BEST4: variants seen among roughly 807,000 people sequenced by gnomAD.
The protein encoded by BEST4 is bestrophin-4.
BEST4 carries 36 observed loss-of-function variants against 47.1 expected under a neutral mutation model. That is an observed-to-expected ratio of 0.76 (90% CI 0.59 to 1.01). The LOEUF is 1.01. Ranked by LOEUF, BEST4 falls within the 50% of genes least tolerant of loss-of-function variation. BEST4 has a pLI of 0.00. For missense variants in BEST4, 550 were observed against 648.6 expected (o/e 0.85, Z 1.65); for synonymous variants, 250 against 277.8 (o/e 0.90, Z 1.00).
chr1:44,782,233 C>T (rs1282264335), downstream of BEST4, among the ~76,000 whole-genome samples: 1 of 122,370 alleles, frequency 8.2e-6, no homozygotes, highest in African/African-American at 3.6e-5. Context: ...GTAAAAGCTG[C>T]AGAAAAAAAA....
Position 44,784,861 on chromosome 1 carries a change from G to C in BEST4, c.993+44C>G. 1 of 1,612,158 alleles carries C rather than the reference G, an allele frequency of 6.2e-7. No individual in the cohort carries two copies. Among genetic ancestry groups the C allele is most frequent in the Non-Finnish European group, 8.5e-7 (1 of 1,178,766 alleles). ...GGGCTGAGAGCTGACCGGGAGAGGG[G>C]GCCCAGGAGCTGCCCTGGACTCCTG... On this transcript the variant is annotated intron_variant, in intron 7 of 8. Transcript: ENST00000372207. This position sits in a 1 kb window ranked among gnomAD's most constrained non-coding sequence, Gnocchi z 6.2.
chr1:44,787,659 C>T lies in BEST4; in HGVS notation c.47G>A (p.Gly16Asp). The change falls in exon 1 of 9, where the codon GGT becomes GAT. Residue 16 changes from glycine to aspartate, a missense_variant. Gly to Asp is a moderately conservative substitution (Grantham distance 94, BLOSUM62 -1). Transcript: ENST00000372207. ...TLKVAEARFG[G>D]FSGLLLRWRG... is the part of the protein sequence containing the mutation. ...CCAGCGGAGAAGCAGGCCAGAGAAACCTCCGAAGCGGGCCTCCGCCACTTT... is the reference window on the plus strand; with the variant it reads ...CCAGCGGAGAAGCAGGCCAGAGAAATCTCCGAAGCGGGCCTCCGCCACTTT... 2.5e-6 allele frequency: 4 copies of T among 1,614,210 alleles called. No individual in the cohort carries two copies. Among genetic ancestry groups the T allele is most frequent in the Non-Finnish European group, 2.5e-6 (3 of 1,180,026 alleles).
chr1:44,790,457 G>A (rs1245225733), upstream of BEST4, among the ~76,000 whole-genome samples: 1 of 152,074 alleles, frequency 6.6e-6, no homozygotes, highest in Non-Finnish European at 1.5e-5. Context: ...GTGGCTCAGA[G>A]CACCCTCTAG....
downstream of BEST4, among the ~76,000 whole-genome samples, chr1:44,783,346 T>A (rs1347092354): frequency 6.6e-6 from 1 of 151,052 alleles, no homozygotes; most frequent in African/African-American, 2.5e-5. Context: ...TAAACTGTAC[T>A]TTTTCCCCCT....
At position 44,784,341 on chromosome 1, in the gene BEST4, C is replaced by T. The variant is rs753296919; in HGVS notation, c.1291G>A (p.Gly431Ser). 8 of 1,391,876 alleles carry T rather than the reference C, an allele frequency of 5.7e-6. No individual in the cohort carries two copies. In the African/African-American group the frequency reaches 1.1e-4, roughly 19 times the overall value. The allele number at this position is 1,391,876 out of a possible 1,614,324, so 86.2% of individuals were successfully genotyped here. ...GGGCGGGGGGTGCCTCGCACGCGGC[C>T]GAAGTTCCGGAGGCTGATGGCCGGG... ...PSPAISLRNF[G>S]RVRGTPRPPH... is the part of the protein sequence containing the mutation. The change falls in exon 9 of 9, where the codon GGC becomes AGC. Residue 431 changes from glycine to serine, a missense_variant. Physicochemically the swap from Gly to Ser is moderately conservative, Grantham distance 56 (BLOSUM62 0). Coordinates refer to ENST00000372207, the MANE Select transcript of BEST4 (RefSeq NM_153274.3). This position sits in a 1 kb window ranked among gnomAD's most constrained non-coding sequence, Gnocchi z 6.2.
rs1000240950 is a variant in BEST4 at position 44,783,661 on chromosome 1, C to G, written c.*549G>C. On this transcript the variant is annotated 3_prime_UTR_variant, in exon 9 of 9. Coordinates refer to ENST00000372207, the MANE Select transcript of BEST4 (RefSeq NM_153274.3). ...CAAACAAGGCAAAAGTCCCCCAGCACACACTGACCCTTCTTTTGAGTAAGG... is the reference window on the plus strand; with the variant it reads ...CAAACAAGGCAAAAGTCCCCCAGCAGACACTGACCCTTCTTTTGAGTAAGG... 1 of 152,518 alleles carries G rather than the reference C, an allele frequency of 6.6e-6. No individual in the cohort carries two copies. The highest frequency in any genetic ancestry group is 2.4e-5 in the African/African-American group (1 of 41,454). 9.4% of individuals were successfully genotyped at this position (152,518 alleles called of 1,614,324 possible). A position where few individuals can be genotyped will look rare whatever the true frequency, so the allele number is the denominator to read the frequency against.
rs369088764 is a variant in BEST4, at chr1:44,784,944, G to A, written c.954C>T (p.Asp318=). The change falls in exon 7 of 9, where the codon GAC becomes GAT. Residue 318 remains aspartate, a synonymous_variant. Transcript: ENST00000372207. The surrounding 1 kb of genome is among the most constrained non-coding windows in gnomAD (Gnocchi z 6.2). ...CTATGAGCTGATTTGTCTCAAAGTC[G>A]TCATCATCCTCACCAAATGGGTTGA... ...QIINPFGEDD[D]DFETNQLIDR... 1.9e-6 allele frequency: 3 copies of A among 1,613,988 alleles called. No homozygotes were observed. Among genetic ancestry groups the A allele is most frequent in the Non-Finnish European group, 2.5e-6 (3 of 1,180,036 alleles).
At position 44,784,473 on chromosome 1, in the gene BEST4, C is replaced by T. The variant is rs868510488; in HGVS notation, c.1159G>A (p.Asp387Asn). Residue 387 changes from aspartate to asparagine, a missense_variant, in exon 9 of 9, where the codon GAC becomes AAC. Transcript: ENST00000372207. This position sits in a 1 kb window ranked among gnomAD's most constrained non-coding sequence, Gnocchi z 6.2. ...GSTFNLRMSDDPEQSLQVEAS... is the reference protein window; with the variant it reads ...GSTFNLRMSDNPEQSLQVEAS... Reference sequence around the variant, plus strand: ...TCCACCTGCAGGCTCTGCTCAGGGTCGTCGCTCATGCTGCGGGCGGGAGGG... The same window carrying T: ...TCCACCTGCAGGCTCTGCTCAGGGTTGTCGCTCATGCTGCGGGCGGGAGGG... 1.5e-5 allele frequency: 15 copies of T among 981,456 alleles called. No homozygotes were observed. In the African/African-American group the frequency reaches 1.6e-4, roughly 10 times the overall value. 60.8% of individuals were successfully genotyped at this position (981,456 alleles called of 1,614,324 possible).
intron 6 of BEST4, 52 bp downstream of exon 6, chr1:44,785,056 C>T: frequency 6.2e-7 from 1 of 1,610,450 alleles, no homozygotes; most frequent in Non-Finnish European, 8.5e-7. Context: ...GGGGCAGCCC[C>T]TCTGCCCACA....
intron 5 of BEST4, 117 bp from the exon 6 acceptor site, chr1:44,785,422 G>T: frequency 7.8e-7 from 1 of 1,278,288 alleles, no homozygotes; most frequent in Non-Finnish European, 1.1e-6. Flanking sequence ...ATCCTGGTGT[G>T]GCAGTACCAG....
rs1344617751 is a variant in BEST4 at position 44,785,645 on chromosome 1, A to G, written c.668T>C (p.Met223Thr). 2 of 1,555,186 alleles carry G rather than the reference A, an allele frequency of 1.3e-6. No homozygotes were observed. Among genetic ancestry groups the G allele is most frequent in the South Asian group, 2.4e-5 (2 of 84,186 alleles). The change falls in exon 5 of 9, where the codon ATG becomes ACG. Residue 223 changes from methionine (M) to threonine (T), a missense_variant. Physicochemically the swap from Met to Thr is moderately conservative, Grantham distance 81. Transcript: ENST00000372207. ...GCTGATCCAGTCATAGTGGAATAGC[A>G]TGCTGCACTTGGCTCGGTACTTGTT... Reference protein sequence around the residue: ...ELNKYRAKCSMLFHYDWISIP... With the variant: ...ELNKYRAKCSTLFHYDWISIP...
In BEST4 at chr1:44,784,422, C is replaced by G. The variant is rs1290656722; in HGVS notation, c.1210G>C (p.Ala404Pro). The G allele has an allele frequency of 8.0e-7, 1 of 1,247,924 alleles. No homozygotes were observed. The highest frequency in any genetic ancestry group is 1.0e-6 in the Non-Finnish European group (1 of 987,848). The allele number at this position is 1,247,924 out of a possible 1,614,324, so 77.3% of individuals were successfully genotyped here. Residue 404 changes from alanine (A) to proline (P), a missense_variant, in exon 9 of 9, where the codon GCG becomes CCG. Ala to Pro is a conservative substitution (Grantham distance 27, BLOSUM62 -1). This residue lies in a region of BEST4 where 255 missense variants were observed against 286.6 expected (regional missense o/e 0.89). Coordinates refer to ENST00000372207, the MANE Select transcript of BEST4 (RefSeq NM_153274.3). The surrounding 1 kb of genome is among the most constrained non-coding windows in gnomAD (Gnocchi z 6.2). Reference sequence around the variant, plus strand: ...AGCAACGGGGTCTGCGCGGCGGGCGCGGGCCGACCAGATCCGGGGGACGCC... The same window carrying G: ...AGCAACGGGGTCTGCGCGGCGGGCGGGGGCCGACCAGATCCGGGGGACGCC... ...VEASPGSGRP[A>P]PAAQTPLLGR...
downstream of BEST4, among the ~76,000 whole-genome samples, chr1:44,782,565 G>A (rs537268595): frequency 2.0e-4 from 30 of 152,242 alleles, no homozygotes; most frequent in African/African-American, 6.3e-4. Flanking sequence ...AGGCGGTGGA[G>A]GTTGCAGTGA....
rs370479919 is a variant in BEST4 at position 44,785,170 on chromosome 1, G to C, written c.850C>G (p.Pro284Ala). The change falls in exon 6 of 9, where the codon CCG (proline) becomes GCG (alanine). Residue 284 changes from proline (P) to alanine (A), a missense_variant. By Grantham distance (27) the Pro-to-Ala change is conservative. This residue lies in a region of BEST4 where 255 missense variants were observed against 286.6 expected (regional missense o/e 0.89). Transcript: ENST00000372207. Reference protein sequence around the residue: ...GQEPAPALGDPDMYVPLTTLL... With the variant: ...GQEPAPALGDADMYVPLTTLL... ...GTGGTGAGAGGCACGTACATGTCCG[G>C]GTCTCCCAGGGCTGGGGCTGGCTCC... 1 of 1,614,054 alleles carries C rather than the reference G, an allele frequency of 6.2e-7. No homozygotes were observed. The highest frequency in any genetic ancestry group is 8.5e-7 in the Non-Finnish European group (1 of 1,180,018).
In BEST4 at chr1:44,786,262, C is replaced by A. The variant is rs1406412019; in HGVS notation, c.482-34G>T. 1 of 1,571,174 alleles carries A rather than the reference C, an allele frequency of 6.4e-7. No individual in the cohort carries two copies. The highest frequency in any genetic ancestry group is 1.9e-5 in the Admixed American group (1 of 53,106). On this transcript the variant is annotated intron_variant, in intron 3 of 8. Coordinates refer to ENST00000372207, the MANE Select transcript of BEST4 (RefSeq NM_153274.3). This position sits in a 1 kb window ranked among gnomAD's most constrained non-coding sequence, Gnocchi z 4.9. ...GTAAAGCAGGTGGGGTGCAGTTGCACCCTCTGCCGCCAGGGGAGGCTGCTG... is the reference window on the plus strand; with the variant it reads ...GTAAAGCAGGTGGGGTGCAGTTGCAACCTCTGCCGCCAGGGGAGGCTGCTG...
At position 44,786,868 on chromosome 1, in the gene BEST4, G is replaced by A. The variant is rs1317252298; in HGVS notation, c.248-172C>T. ...GTGCGAGGCCAGGAGGAGGGAGGAG[G>A]GCAAACTTCCTTCAGCAGAGGGAAA... On this transcript the variant is annotated intron_variant, in intron 2 of 8. Coordinates refer to ENST00000372207, the MANE Select transcript of BEST4 (RefSeq NM_153274.3). The surrounding 1 kb of genome is among the most constrained non-coding windows in gnomAD (Gnocchi z 4.9). Among the ~76,000 whole-genome samples, 1 of 152,186 alleles carries A rather than the reference G, an allele frequency of 6.6e-6. No homozygotes were observed. Among genetic ancestry groups the A allele is most frequent in the Admixed American group, 6.5e-5 (1 of 15,284 alleles).
At position 44,786,430 on chromosome 1, in the gene BEST4, C is replaced by T. The variant is rs1371001119; in HGVS notation, c.481+33G>A. On this transcript the variant is annotated intron_variant, in intron 3 of 8. Transcript: ENST00000372207. The surrounding 1 kb of genome is among the most constrained non-coding windows in gnomAD (Gnocchi z 4.9). ...GCGCCACCTGCATCCGGCTGTGGGC[C>T]GGACCCCCAGAGGCTCCCGGCGGGC... 32 of 1,480,574 alleles carry T rather than the reference C, an allele frequency of 2.2e-5. No individual in the cohort carries two copies. The highest frequency in any genetic ancestry group is 4.5e-5 in the Admixed American group (2 of 44,670). The allele number at this position is 1,480,574 out of a possible 1,614,324, so 91.7% of individuals were successfully genotyped here. A position where few individuals can be genotyped will look rare whatever the true frequency, so the allele number is the denominator to read the frequency against.
Position 44,786,304 on chromosome 1 carries a change from C to T in BEST4, c.482-76G>A. ...AGGCTGCTGTTCCGCCGTCTGGCTC[C>T]CCTCCCTCGCGTCCACCGGCTGTCC... On this transcript the variant is annotated intron_variant, in intron 3 of 8. Coordinates refer to ENST00000372207, the MANE Select transcript of BEST4 (RefSeq NM_153274.3). The surrounding 1 kb of genome is among the most constrained non-coding windows in gnomAD (Gnocchi z 4.9). The T allele has an allele frequency of 6.6e-7, 1 of 1,510,194 alleles. No homozygotes were observed. Among genetic ancestry groups the T allele is most frequent in the Non-Finnish European group, 8.9e-7 (1 of 1,124,236 alleles). 93.5% of individuals were successfully genotyped at this position (1,510,194 alleles called of 1,614,324 possible). A position where few individuals can be genotyped will look rare whatever the true frequency, so the allele number is the denominator to read the frequency against.
upstream of BEST4, among the ~76,000 whole-genome samples, chr1:44,792,731 C>T (rs992510270): frequency 6.6e-6 from 1 of 152,048 alleles, no homozygotes; most frequent in African/African-American, 2.4e-5. Flanking sequence ...TGTGACCTGA[C>T]ACTCAAGAGA....
Sources: gnomAD v4.1 joint callset for allele counts (sites outside exome capture counted in the v4.1 genomes callset) on GRCh38, gnomAD v4.1.1 for gene constraint, gnomAD v4.1.1 regional missense constraint, Gnocchi (gnomAD v3.1) non-coding constraint, MANE v1.5 for transcripts, NCBI Gene and HGNC (gene_info 2026-07-23, HGNC 2026-07-21) for gene names.